Variants in MAP4 observed in about 807,000 individuals in gnomAD.
MAP4 encodes microtubule associated protein 4.
MAP4 carries 76 observed loss-of-function variants against 170.2 expected under a neutral mutation model. That is an observed-to-expected ratio of 0.45 (90% CI 0.37 to 0.54). MAP4 has a LOEUF of 0.54. Among genes scored for constraint, MAP4 ranks in the 20% least tolerant of loss-of-function variants. The pLI is 0.00. For synonymous variants in MAP4, 909 were observed against 994.5 expected (o/e 0.91, Z 1.62); for missense variants, 2,506 against 2,748.0 (o/e 0.91, Z 1.97).
intron 2 of MAP4, among the ~76,000 whole-genome samples, chr3:47,986,360 TG>T (rs372978942): frequency 6.6e-6 from 1 of 151,898 alleles, no homozygotes; most frequent in Non-Finnish European, 1.5e-5. Flanking sequence ...GTATTTTTTT[TG>T]AGATGGAGTC....
intron 3 of MAP4, among the ~76,000 whole-genome samples, chr3:47,940,743 T>G (rs2100055766): frequency 6.6e-6 from 1 of 152,152 alleles, no homozygotes; most frequent in Non-Finnish European, 1.5e-5. Context: ...GTACAAAAAG[T>G]TCATTGATAT....
intron 1 of MAP4, among the ~76,000 whole-genome samples, chr3:48,076,882 G>A (rs2100144201): frequency 6.6e-6 from 1 of 152,166 alleles, no homozygotes; most frequent in Non-Finnish European, 1.5e-5. Context: ...CAGGCATGGT[G>A]GCTCACACCT....
intron 10 of MAP4, among the ~76,000 whole-genome samples, chr3:47,898,873 T>C (rs540224319): frequency 8.5e-5 from 13 of 152,172 alleles, no homozygotes; most frequent in Non-Finnish European, 1.0e-4. Context: ...GGAGGATCAC[T>C]TAAACCTAAG....
intron 10 of MAP4, among the ~76,000 whole-genome samples, chr3:47,898,910 T>C (rs1440251138): frequency 6.6e-6 from 1 of 151,254 alleles, no homozygotes; most frequent in African/African-American, 2.4e-5. Flanking sequence ...GAGTGAACTA[T>C]GATCACGCCA....
At chr3:47,880,359 C>T (rs538497052) in intron 10 of MAP4, among the ~76,000 whole-genome samples, 38 of 149,906 alleles carry the variant, frequency 2.5e-4, no homozygotes, top group African/African-American at 7.9e-4. Flanking sequence ...CCACCTGCCT[C>T]GGCCTCCCAA....
At chr3:47,932,982 A>C (rs1368577794) in intron 3 of MAP4, among the ~76,000 whole-genome samples, 1 of 152,130 alleles carries the variant, frequency 6.6e-6, no homozygotes, top group Non-Finnish European at 1.5e-5. Context: ...AGCTCACTGC[A>C]ACCTTAAACT....
At chr3:48,064,430 C>T (rs1015259268) in intron 1 of MAP4, among the ~76,000 whole-genome samples, 1 of 152,150 alleles carries the variant, frequency 6.6e-6, no homozygotes, top group Non-Finnish European at 1.5e-5. Context: ...GAACTCCTGA[C>T]TCACTGGTCC....
intron 1 of MAP4, among the ~76,000 whole-genome samples, chr3:48,057,308 A>AC (rs1476042530): frequency 1.5e-5 from 2 of 132,716 alleles, no homozygotes; most frequent in Non-Finnish European, 3.2e-5. Flanking sequence ...CTGTGACCTT[A>AC]CCCCCAACCC....
chr3:48,064,947 A>G (rs918077988), intron 1 of MAP4, among the ~76,000 whole-genome samples: 3 of 152,112 alleles, frequency 2.0e-5, no homozygotes, highest in African/African-American at 7.2e-5. Flanking sequence ...TCCACTATAT[A>G]GAAAGTACCC....
At chr3:48,009,741 A>G (rs2100104275) in intron 1 of MAP4, among the ~76,000 whole-genome samples, 1 of 152,174 alleles carries the variant, frequency 6.6e-6, no homozygotes, top group Non-Finnish European at 1.5e-5. Context: ...TGGAACTGGA[A>G]GTGGCACCAC....
intron 1 of MAP4, among the ~76,000 whole-genome samples, chr3:48,046,036 G>GTGGTTTTA: frequency 1.4e-5 from 2 of 139,734 alleles, no homozygotes; most frequent in Non-Finnish European, 3.0e-5. Context: ...ATGTAGATAA[G>GTGGTTTTA]CTCACCTTCA....
At chr3:47,892,364 C>T in intron 10 of MAP4, 2 of 1,536,264 alleles carry the variant, frequency 1.3e-6, no homozygotes, top group Middle Eastern at 1.7e-4. Flanking sequence ...GCCCTCTGTC[C>T]TCTGCCATTC....
intron 1 of MAP4, among the ~76,000 whole-genome samples, chr3:48,076,491 GACT>G (rs2154567927): frequency 6.8e-6 from 1 of 146,678 alleles, no homozygotes; most frequent in Non-Finnish European, 1.5e-5. Flanking sequence ...GACAGAACGA[GACT>G]ACATCTTAAA....
intron 3 of MAP4, among the ~76,000 whole-genome samples, chr3:47,966,883 A>G (rs1261074898): frequency 6.6e-6 from 1 of 152,122 alleles, no homozygotes; most frequent in Non-Finnish European, 1.5e-5. Flanking sequence ...TTATTATAGC[A>G]TTTCAGTAAG....
chr3:47,964,288 T>G (rs2100073485), intron 3 of MAP4, among the ~76,000 whole-genome samples: 1 of 152,124 alleles, frequency 6.6e-6, no homozygotes, highest in Non-Finnish European at 1.5e-5. Context: ...GTTATTACAG[T>G]AGCCAAGGTT....
intron 3 of MAP4, among the ~76,000 whole-genome samples, chr3:47,955,769 A>G (rs910072531): frequency 6.6e-6 from 1 of 152,192 alleles, no homozygotes; most frequent in African/African-American, 2.4e-5. Flanking sequence ...CAAGGTTGAC[A>G]GTTTAGAGTG....
intron 10 of MAP4, among the ~76,000 whole-genome samples, chr3:47,884,349 T>C (rs1287079508): frequency 6.6e-6 from 1 of 152,230 alleles, no homozygotes; most frequent in Non-Finnish European, 1.5e-5. Flanking sequence ...TTTATGTAAC[T>C]TCTATTTCTT....
At chr3:47,959,059 A>G (rs191885232) in intron 3 of MAP4, among the ~76,000 whole-genome samples, 2 of 152,242 alleles carry the variant, frequency 1.3e-5, no homozygotes, top group East Asian at 3.9e-4. Flanking sequence ...GAAAATCTTT[A>G]AAGCTTATGC....
intron 1 of MAP4, among the ~76,000 whole-genome samples, chr3:48,087,116 G>A (rs2100149450): frequency 6.6e-6 from 1 of 152,220 alleles, no homozygotes; most frequent in South Asian, 2.1e-4. Flanking sequence ...AAATTTGAAA[G>A]GAAGTGTGTA....
Sources: gnomAD v4.1 joint callset for allele counts (sites outside exome capture counted in the v4.1 genomes callset) on GRCh38, gnomAD v4.1.1 for gene constraint, MANE v1.5 for transcripts, NCBI Gene and HGNC (gene_info 2026-07-23, HGNC 2026-07-21) for gene names.